The following CCDC85A variants were observed in gnomAD, a reference collection of about 807,000 sequenced individuals.
CCDC85A encodes coiled-coil domain-containing protein 85A.
In CCDC85A, 38 loss-of-function variants were observed where a neutral mutation model predicts 50.2. The ratio of observed to expected loss-of-function variants is 0.76; its 90% CI spans 0.58 to 0.99. CCDC85A has a LOEUF of 0.99. Among genes scored for constraint, CCDC85A ranks in the 50% least tolerant of loss-of-function variants. The probability of loss-of-function intolerance (pLI) is 0.00; values close to 1 mark genes in which losing one functional copy is unlikely to be tolerated. For synonymous variants in CCDC85A, 366 were observed against 301.4 expected, an observed-to-expected ratio of 1.21 and a Z score of -2.22; for missense variants, 820 against 742.0, an observed-to-expected ratio of 1.11 and a Z score of -1.22.
At chr2:56,368,827 C>T (rs1211312268) in intron 3 of CCDC85A, among the ~76,000 whole-genome samples, 1 of 151,570 alleles carries the variant, frequency 6.6e-6, no homozygotes, top group Non-Finnish European at 1.5e-5. Context: ...TATATATACA[C>T]ATACATATGT....
Position 56,193,351 on chromosome 2 carries a change from G to A in CCDC85A, c.1151G>A (p.Ser384Asn). 1.2e-6 allele frequency: 2 copies of A among 1,611,658 alleles called. No individual in the cohort carries two copies. The highest frequency in any genetic ancestry group is 2.7e-5 in the African/African-American group (2 of 74,998). The change falls in exon 2 of 6, where the codon AGC becomes AAC. Residue 384 changes from serine to asparagine, a missense_variant. By Grantham distance (46) the Ser-to-Asn change is conservative. Coordinates refer to ENST00000407595, the MANE Select transcript of CCDC85A (RefSeq NM_001080433.2). Reference sequence around the variant, plus strand: ...GGAGGCAGTGGAGGAAGTGGAGGCAGCGGCGGAGGCAGCAGGGAGGGCACC... The same window carrying A: ...GGAGGCAGTGGAGGAAGTGGAGGCAACGGCGGAGGCAGCAGGGAGGGCACC... ...HGGGSGGSGG[S>N]GGGSREGTLR...
chr2:56,384,547 C>G lies in CCDC85A; in HGVS notation c.*192C>G, dbSNP rs1676741985. Reference sequence around the variant, plus strand: ...CAAGCTGATATTCTGTGTCTCTCACCTCAATGTCCACAACAGTCAATCTCA... The same window carrying G: ...CAAGCTGATATTCTGTGTCTCTCACGTCAATGTCCACAACAGTCAATCTCA... On this transcript the variant is annotated 3_prime_UTR_variant, in exon 6 of 6. Coordinates refer to ENST00000407595, the MANE Select transcript of CCDC85A (RefSeq NM_001080433.2). The G allele has an allele frequency of 3.7e-6, 2 of 539,454 alleles. No individual in the cohort carries two copies. The highest frequency in any genetic ancestry group is 6.7e-6 in the Non-Finnish European group (2 of 300,048). 33.4% of individuals were successfully genotyped at this position (539,454 alleles called of 1,614,324 possible).
intron 2 of CCDC85A, among the ~76,000 whole-genome samples, chr2:56,323,599 G>C (rs928393177): frequency 6.6e-6 from 1 of 151,986 alleles, no homozygotes; most frequent in African/African-American, 2.4e-5. Context: ...TGGATTATTT[G>C]GCTGAGCTTC....
intron 2 of CCDC85A, among the ~76,000 whole-genome samples, chr2:56,236,394 C>G (rs1266516519): frequency 1.3e-5 from 2 of 152,114 alleles, no homozygotes; most frequent in African/African-American, 2.4e-5. Context: ...GGACAGATGA[C>G]AAGGCATGAT....
intron 2 of CCDC85A, among the ~76,000 whole-genome samples, chr2:56,266,448 A>G (rs1469601842): frequency 2.6e-5 from 4 of 152,162 alleles, no homozygotes; most frequent in Admixed American, 6.5e-5. Flanking sequence ...TTCTCAGGAC[A>G]AAGAAACGAT....
chr2:56,325,021 T>C (rs1673396206), intron 2 of CCDC85A, among the ~76,000 whole-genome samples: 1 of 149,062 alleles, frequency 6.7e-6, no homozygotes, highest in African/African-American at 2.4e-5. Context: ...ACATGAAAAC[T>C]TAAAGATTTT....
intron 2 of CCDC85A, among the ~76,000 whole-genome samples, chr2:56,206,348 T>G (rs924359390): frequency 3.7e-4 from 56 of 152,326 alleles, no homozygotes; most frequent in African/African-American, 1.2e-3. Context: ...TTTTAAAATT[T>G]CTTTTCAATG....
chr2:56,260,263 TCTC>T (rs1670164219), intron 2 of CCDC85A, among the ~76,000 whole-genome samples: 1 of 152,258 alleles, frequency 6.6e-6, no homozygotes, highest in Admixed American at 6.5e-5. Flanking sequence ...ACACCATTGG[TCTC>T]CTGCTGGAGT....
At chr2:56,372,877 C>G (rs1242038541) in intron 4 of CCDC85A, among the ~76,000 whole-genome samples, 4 of 152,168 alleles carry the variant, frequency 2.6e-5, no homozygotes, top group Non-Finnish European at 4.4e-5. Flanking sequence ...AGCTTGAAAA[C>G]AAGCCACTTA....
chr2:56,245,200 A>G (rs1260947665), intron 2 of CCDC85A, among the ~76,000 whole-genome samples: 3 of 152,220 alleles, frequency 2.0e-5, no homozygotes, highest in African/African-American at 4.8e-5. Flanking sequence ...AGAATCCCAC[A>G]GTACTTTAGC....
intron 2 of CCDC85A, among the ~76,000 whole-genome samples, chr2:56,206,728 G>C (rs1330163621): frequency 6.6e-6 from 1 of 152,122 alleles, no homozygotes; most frequent in Admixed American, 6.5e-5. Flanking sequence ...GTAAACTTTG[G>C]GGAACACATT....
intron 2 of CCDC85A, among the ~76,000 whole-genome samples, chr2:56,228,561 T>A (rs1668640609): frequency 6.6e-6 from 1 of 151,974 alleles, no homozygotes; most frequent in African/African-American, 2.4e-5. Context: ...GAGACAGAGT[T>A]TCGCTCTGTC....
In CCDC85A at chr2:56,342,952, C is replaced by G; in HGVS notation, c.1314C>G (p.Pro438=). 2 of 1,589,078 alleles carry G rather than the reference C, an allele frequency of 1.3e-6. No individual in the cohort carries two copies. Among genetic ancestry groups the G allele is most frequent in the Non-Finnish European group, 1.7e-6 (2 of 1,166,480 alleles). ...RQLEEENRML[P]QASQNRRQPP... ...TGGAGGAAGAAAATCGCATGCTGCC[C>G]CAGGTGGGTGACTTCCAGAAGCTCA... Residue 438 remains proline, a synonymous_variant, in exon 3 of 6, where the codon CCC becomes CCG. Transcript: ENST00000407595.
intron 2 of CCDC85A, among the ~76,000 whole-genome samples, chr2:56,292,329 C>T (rs547597046): frequency 2.6e-5 from 4 of 152,236 alleles, no homozygotes; most frequent in South Asian, 2.1e-4. Flanking sequence ...GTGATCCACC[C>T]GCCTCGGCCT....
chr2:56,323,044 A>T (rs1270143523), intron 2 of CCDC85A, among the ~76,000 whole-genome samples: 2 of 152,142 alleles, frequency 1.3e-5, no homozygotes, highest in African/African-American at 2.4e-5. Flanking sequence ...TGTTGCAAGG[A>T]CAGAAAACCA....
intron 3 of CCDC85A, among the ~76,000 whole-genome samples, chr2:56,356,867 A>G (rs1369475098): frequency 6.6e-6 from 1 of 151,946 alleles, no homozygotes; most frequent in Non-Finnish European, 1.5e-5. Context: ...CAGGAGATCA[A>G]GACCATCCTG....
chr2:56,333,149 G>T, intron 2 of CCDC85A, among the ~76,000 whole-genome samples: 1 of 152,174 alleles, frequency 6.6e-6, no homozygotes. Context: ...GTCTTTTGAT[G>T]AAAATAAAGT....
intron 2 of CCDC85A, among the ~76,000 whole-genome samples, chr2:56,254,307 C>A (rs4672102): frequency 0.99 from 150,027 of 152,266 alleles, 73,917 homozygotes; most frequent in East Asian, 1. Context: ...GATGCTGTGT[C>A]GGTGTTATTG....
At chr2:56,278,658 C>T (rs1379804512) in intron 2 of CCDC85A, among the ~76,000 whole-genome samples, 1 of 152,114 alleles carries the variant, frequency 6.6e-6, no homozygotes, top group Non-Finnish European at 1.5e-5. Context: ...ACTGCAACCT[C>T]TGCCTCCTGG....
Sources: allele counts gnomAD v4.1 joint callset (sites outside exome capture counted in the v4.1 genomes callset), GRCh38; gene constraint gnomAD v4.1.1; transcripts MANE v1.5; gene names NCBI Gene and HGNC (gene_info 2026-07-23, HGNC 2026-07-21).